The following MEP1A variants were observed in gnomAD, a reference collection of about 807,000 sequenced individuals.
MEP1A encodes the protein N-benzoyl-L-tyrosyl-P-amino-benzoic acid hydrolase subunit alpha.
In MEP1A, 68 loss-of-function variants were observed where a neutral mutation model predicts 84.5. The observed-to-expected ratio is 0.80, with a 90% CI of 0.66 to 0.98. The LOEUF (loss-of-function observed/expected upper bound fraction) is 0.98, where lower values mean the gene tolerates loss of function less well. MEP1A is among the 50% of genes least tolerant of loss of function. MEP1A has a pLI of 0.00. For missense variants in MEP1A, 887 were observed against 919.9 expected (o/e 0.96, Z 0.46); for synonymous variants, 337 against 336.8 (o/e 1.00, Z -0.01).
Position 46,825,504 on chromosome 6 carries a change from C to T in MEP1A, c.778+11C>T. 6.3e-7 allele frequency: 1 copy of T among 1,583,592 alleles called. No homozygotes were observed. On this transcript the variant is annotated intron_variant, in intron 8 of 13. Transcript: ENST00000230588. ...GAATGTACAATTGCAGTGAGTATCT[C>T]AGTTTCTGAGAACTTGGTAAACTAG...
At chr6:46,835,683 G>C in intron 13 of MEP1A, 134 bp downstream of exon 13, 1 of 971,242 alleles carries the variant, frequency 1.0e-6, no homozygotes, top group South Asian at 1.5e-5. Context: ...GGTTTTCTTT[G>C]ACTCTACAAA....
intron 5 of MEP1A, among the ~76,000 whole-genome samples, chr6:46,800,629 C>T (rs1767180145): frequency 1.3e-5 from 2 of 152,166 alleles, no homozygotes; most frequent in Non-Finnish European, 1.5e-5. Context: ...CAGACCCAGA[C>T]CACTGTGAAA....
intron 5 of MEP1A, among the ~76,000 whole-genome samples, chr6:46,803,644 T>G (rs1283062938): frequency 1.3e-5 from 2 of 151,644 alleles, no homozygotes; most frequent in Non-Finnish European, 3.0e-5. Context: ...TTACTCTTCT[T>G]TTTTGACATT....
chr6:46,809,582 T>C (rs775407016), intron 6 of MEP1A, 45 bp downstream of exon 6: 3 of 1,290,950 alleles, frequency 2.3e-6, no homozygotes, highest in Non-Finnish European at 3.3e-6. Flanking sequence ...ATACTTTGGT[T>C]CGTAAGAAGT....
chr6:46,800,964 C>A (rs1767186462), intron 5 of MEP1A, among the ~76,000 whole-genome samples: 1 of 151,994 alleles, frequency 6.6e-6, no homozygotes, highest in Non-Finnish European at 1.5e-5. Flanking sequence ...TTTTTAAGTT[C>A]TTCCATATTG....
chr6:46,835,532 G>A lies in MEP1A; in HGVS notation c.2067G>A (p.Lys689=). The change falls in exon 13 of 14, where the codon AAG becomes AAA. Residue 689 remains lysine (K), a synonymous_variant. Coordinates refer to ENST00000230588, the MANE Select transcript of MEP1A (RefSeq NM_005588.3). ...ATGACGGCATCTGTGTGAACGTGAA[G>A]GGGATGGCGAGCTGCAGGTAGGCTC... The part of the protein sequence containing the change: ...CQNDGICVNV[K]GMASCRCISG... 6.2e-7 allele frequency: 1 copy of A among 1,613,590 alleles called. No homozygotes were observed. Among genetic ancestry groups the A allele is most frequent in the Non-Finnish European group, 8.5e-7 (1 of 1,179,778 alleles).
In MEP1A at chr6:46,839,394, T is replaced by A. The variant is rs1768289649; in HGVS notation, c.*258T>A. Reference sequence around the variant, plus strand: ...TGTAAATCACTTGTTTTATTGACTGTCTTTCCTATAGACTGTAAGCTCCAT... The same window carrying A: ...TGTAAATCACTTGTTTTATTGACTGACTTTCCTATAGACTGTAAGCTCCAT... On this transcript the variant is annotated 3_prime_UTR_variant, in exon 14 of 14. Coordinates refer to ENST00000230588, the MANE Select transcript of MEP1A (RefSeq NM_005588.3). 1 of 303,578 alleles carries A rather than the reference T, an allele frequency of 3.3e-6. No homozygotes were observed. The highest frequency in any genetic ancestry group is 6.1e-6 in the Non-Finnish European group (1 of 163,396). The allele number at this position is 303,578 out of a possible 1,614,324, so 18.8% of individuals were successfully genotyped here.
rs188893190 is a variant in MEP1A at position 46,833,183 on chromosome 6, A to G, written c.1254A>G (p.Gly418=). Residue 418 remains glycine, a synonymous_variant, in exon 11 of 14, where the codon GGA becomes GGG. Coordinates refer to ENST00000230588, the MANE Select transcript of MEP1A (RefSeq NM_005588.3). ...TKGDPQNSTG[G]IYLDDITLTE... is the part of the protein sequence containing the mutation. ...GCGACCCTCAGAACTCAACTGGGGGAATTTACCTAGATGACATCACTCTGA... is the reference window on the plus strand; with the variant it reads ...GCGACCCTCAGAACTCAACTGGGGGGATTTACCTAGATGACATCACTCTGA... 8.3e-4 allele frequency: 1,328 copies of G among 1,608,572 alleles called. 19 individuals are homozygous for G. In the East Asian group the frequency reaches 0.022, roughly 26 times the overall value.
At chr6:46,804,707 G>A (rs1767274673) in intron 5 of MEP1A, among the ~76,000 whole-genome samples, 1 of 151,684 alleles carries the variant, frequency 6.6e-6, no homozygotes, top group Non-Finnish European at 1.5e-5. Context: ...ATGCACCTAT[G>A]TAATCCAAAT....
chr6:46,805,661 T>C (rs1189156128), intron 5 of MEP1A, among the ~76,000 whole-genome samples: 1 of 152,024 alleles, frequency 6.6e-6, no homozygotes, highest in Non-Finnish European at 1.5e-5. Flanking sequence ...TTCTCCTGTA[T>C]GTAATGTCTT....
intron 3 of MEP1A, among the ~76,000 whole-genome samples, chr6:46,797,871 T>TTTCC (rs1162981215): frequency 0.011 from 1,154 of 106,880 alleles, 40 homozygotes; most frequent in Non-Finnish European, 0.016. Flanking sequence ...ACTTTCTACC[T>TTTCC]TTCCTTCCTT....
At chr6:46,800,048 C>T (rs1767158697) in intron 5 of MEP1A, among the ~76,000 whole-genome samples, 3 of 152,222 alleles carry the variant, frequency 2.0e-5, no homozygotes, top group Non-Finnish European at 2.9e-5. Flanking sequence ...TTATGGAGAA[C>T]AGCTAGATAT....
chr6:46,826,285 C>A, intron 8 of MEP1A, 69 bp from the exon 9 acceptor site: 1 of 1,423,348 alleles, frequency 7.0e-7, no homozygotes, highest in Non-Finnish European at 9.5e-7. Flanking sequence ...GTTTTAGTGG[C>A]TTAAGACATT....
chr6:46,803,049 T>C (rs1026310489), intron 5 of MEP1A, among the ~76,000 whole-genome samples: 1 of 151,708 alleles, frequency 6.6e-6, no homozygotes, highest in African/African-American at 2.4e-5. Flanking sequence ...AAATTTTTCC[T>C]CTTCTTTTAT....
chr6:46,837,528 G>T (rs1402442636), intron 13 of MEP1A, among the ~76,000 whole-genome samples: 5 of 152,116 alleles, frequency 3.3e-5, no homozygotes, highest in Non-Finnish European at 7.3e-5. Flanking sequence ...CTGTTTCTGG[G>T]CTCCAAAGCC....
chr6:46,799,173 A>G lies in MEP1A; in HGVS notation c.254A>G (p.Asp85Gly). 1 of 1,604,748 alleles carries G rather than the reference A, an allele frequency of 6.2e-7. No individual in the cohort carries two copies. The highest frequency in any genetic ancestry group is 8.5e-7 in the Non-Finnish European group (1 of 1,171,490). ...TTCCCCATTCCTTACATCTTGGCTGATAATTTGGGTAATATTAATTGTTCT... is the reference window on the plus strand; with the variant it reads ...TTCCCCATTCCTTACATCTTGGCTGGTAATTTGGGTAATATTAATTGTTCT... ...WTFPIPYILA[D>G]NLGLNAKGAI... is the part of the protein sequence containing the mutation. The change falls in exon 5 of 14, where the codon GAT (aspartate) becomes GGT (glycine). Residue 85 changes from aspartate (D) to glycine (G), a missense_variant. Transcript: ENST00000230588.
chr6:46,832,262 T>C (rs2150755969), intron 10 of MEP1A, among the ~76,000 whole-genome samples: 1 of 152,306 alleles, frequency 6.6e-6, no homozygotes, highest in East Asian at 1.9e-4. Flanking sequence ...GGCACATCTC[T>C]TTGCGGAATT....
intron 5 of MEP1A, among the ~76,000 whole-genome samples, chr6:46,807,556 GAAAGAAAGA>G (rs1386949842): frequency 2.6e-3 from 160 of 61,300 alleles, no homozygotes; most frequent in African/African-American, 0.013. Flanking sequence ...AAGAAAGAAA[GAAAGAAAGA>G]AAGGAAGGAA....
At chr6:46,840,247 C>G (rs774672817), downstream of MEP1A, among the ~76,000 whole-genome samples, 1 of 152,114 alleles carries the variant, frequency 6.6e-6, no homozygotes, top group African/African-American at 2.4e-5. Context: ...GTTATGGGAA[C>G]AATTTGTAGC....
Sources: allele counts gnomAD v4.1 joint callset (sites outside exome capture counted in the v4.1 genomes callset), GRCh38; gene constraint gnomAD v4.1.1; transcripts MANE v1.5; gene names NCBI Gene and HGNC (gene_info 2026-07-23, HGNC 2026-07-21).